MACROD2: variants seen among roughly 807,000 people sequenced by gnomAD.
MACROD2 encodes the protein ADP-ribose glycohydrolase MACROD2.
Under a neutral mutation model 70.4 loss-of-function variants are expected in MACROD2, and 36 were observed. That is an observed-to-expected ratio of 0.51 (90% CI 0.39 to 0.68). The LOEUF is 0.68. Among genes scored for constraint, MACROD2 ranks in the 30% least tolerant of loss-of-function variants. MACROD2 has a pLI of 0.00. For synonymous variants in MACROD2, 172 were observed against 178.8 expected, an observed-to-expected ratio of 0.96 and a Z score of 0.30; for missense variants, 496 against 538.4, an observed-to-expected ratio of 0.92 and a Z score of 0.78.
In MACROD2 at chr20:14,346,054, A is replaced by G. The variant is rs527607496; in HGVS notation, c.272-147425A>G. Reference sequence around the variant, plus strand: ...GCTTGCAGTGAGCCGAGATTGCACCACTGCACTCCAGCCTGGGTGACAGAG... The same window carrying G: ...GCTTGCAGTGAGCCGAGATTGCACCGCTGCACTCCAGCCTGGGTGACAGAG... On this transcript the variant is annotated intron_variant, in intron 3 of 17. Transcript: ENST00000684519. Among the ~76,000 whole-genome samples the G allele has an allele frequency of 2.7e-4, 34 of 124,860 alleles. 1 individual carries two copies. The highest frequency in any genetic ancestry group is 1.0e-3 in the African/African-American group (34 of 33,678). The allele number at this position is 124,860 out of a possible 152,430, so 81.9% of individuals were successfully genotyped here.
At chr20:14,351,195 T>G (rs2083120015) in intron 3 of MACROD2, among the ~76,000 whole-genome samples, 1 of 152,216 alleles carries the variant, frequency 6.6e-6, no homozygotes. Context: ...TTCCTTCAAC[T>G]ACTTTTCTTT....
At chr20:14,930,874 A>AC (rs1568882835) in intron 5 of MACROD2, among the ~76,000 whole-genome samples, 1 of 150,864 alleles carries the variant, frequency 6.6e-6, no homozygotes, top group East Asian at 1.9e-4. Flanking sequence ...AAAAAAAAAA[A>AC]AAAACAAAAG....
intron 3 of MACROD2, among the ~76,000 whole-genome samples, chr20:14,290,846 G>A (rs185262442): frequency 2.7e-4 from 41 of 152,280 alleles, no homozygotes; most frequent in African/African-American, 8.4e-4. Context: ...AGATAATTTC[G>A]TCTGAAGACT....
intron 3 of MACROD2, among the ~76,000 whole-genome samples, chr20:14,190,939 C>T (rs1023739999): frequency 6.6e-6 from 1 of 151,524 alleles, no homozygotes; most frequent in Non-Finnish European, 1.5e-5. Context: ...GATCTCCTGA[C>T]CTCATGATCC....
chr20:15,877,267 T>G (rs2064689305), intron 9 of MACROD2, among the ~76,000 whole-genome samples: 1 of 152,096 alleles, frequency 6.6e-6, no homozygotes, highest in Non-Finnish European at 1.5e-5. Flanking sequence ...CAAAATCTGT[T>G]TCTCCACTCC....
intron 8 of MACROD2, among the ~76,000 whole-genome samples, chr20:15,650,633 T>C (rs1249223921): frequency 2.0e-5 from 3 of 152,274 alleles, no homozygotes; most frequent in Middle Eastern, 3.4e-3. Context: ...TTTTATAAAA[T>C]AAAGGAAAAC....
At chr20:15,488,001 G>T (rs942915928) in intron 7 of MACROD2, among the ~76,000 whole-genome samples, 5 of 152,144 alleles carry the variant, frequency 3.3e-5, no homozygotes, top group African/African-American at 1.2e-4. Flanking sequence ...GACACAAGTG[G>T]TTTACATCCT....
chr20:15,776,836 A>C (rs1032343245), intron 8 of MACROD2, among the ~76,000 whole-genome samples: 1 of 152,188 alleles, frequency 6.6e-6, no homozygotes, highest in African/African-American at 2.4e-5. Flanking sequence ...TATTGATGAC[A>C]CAAGTTGTCC....
chr20:15,561,997 T>C (rs2048251150), intron 8 of MACROD2, among the ~76,000 whole-genome samples: 1 of 152,118 alleles, frequency 6.6e-6, no homozygotes, highest in African/African-American at 2.4e-5. Flanking sequence ...CAGGCCTGAC[T>C]TATTTCTGGA....
intron 6 of MACROD2, among the ~76,000 whole-genome samples, chr20:15,387,961 G>C (rs1298377321): frequency 6.6e-6 from 1 of 151,928 alleles, no homozygotes; most frequent in African/African-American, 2.4e-5. Context: ...ATGTTTCCTA[G>C]GTTGGTCTTG....
At chr20:14,187,343 T>A (rs936511053) in intron 3 of MACROD2, among the ~76,000 whole-genome samples, 4 of 152,146 alleles carry the variant, frequency 2.6e-5, no homozygotes, top group Non-Finnish European at 5.9e-5. Context: ...TTTGACAGTT[T>A]ACAATTGAAG....
chr20:14,271,224 C>T (rs1347436317), intron 3 of MACROD2, among the ~76,000 whole-genome samples: 1 of 152,194 alleles, frequency 6.6e-6, no homozygotes, highest in African/African-American at 2.4e-5. Flanking sequence ...CCCCGAGCAG[C>T]CTAACTGGGA....
At chr20:14,662,662 A>C (rs919978459) in intron 4 of MACROD2, among the ~76,000 whole-genome samples, 1 of 152,116 alleles carries the variant, frequency 6.6e-6, no homozygotes, top group African/African-American at 2.4e-5. Context: ...ACCCCATTAC[A>C]AATTAGGCAA....
intron 12 of MACROD2, among the ~76,000 whole-genome samples, chr20:15,940,601 AC>A (rs2065737779): frequency 6.6e-6 from 1 of 152,314 alleles, no homozygotes; most frequent in African/African-American, 2.4e-5. Context: ...GTGGCTATCA[AC>A]ATTGAGGCAA....
chr20:15,718,018 CT>C (rs11087142), intron 8 of MACROD2, among the ~76,000 whole-genome samples: 26,223 of 140,162 alleles, frequency 0.19, 2,163 homozygotes, highest in East Asian at 0.31. Context: ...TGTTTTCTCT[CT>C]TTTTTTTTTT....
intron 5 of MACROD2, among the ~76,000 whole-genome samples, chr20:15,021,920 A>G (rs769727546): frequency 1.8e-4 from 27 of 152,112 alleles, no homozygotes; most frequent in Admixed American, 6.6e-5. Context: ...AATACAGGAA[A>G]CTGAGAAAGA....
chr20:14,269,836 T>G (rs2082175807), intron 3 of MACROD2, among the ~76,000 whole-genome samples: 2 of 151,416 alleles, frequency 1.3e-5, no homozygotes, highest in Admixed American at 6.6e-5. Flanking sequence ...TTTTAAAGAG[T>G]GTTTTTGGAT....
intron 8 of MACROD2, among the ~76,000 whole-genome samples, chr20:15,591,877 T>C (rs2048685368): frequency 6.6e-6 from 1 of 152,190 alleles, no homozygotes; most frequent in African/African-American, 2.4e-5. Flanking sequence ...TAACATGAAT[T>C]GTAAATCTGG....
At chr20:15,979,001 G>C (rs1195336536) in intron 13 of MACROD2, among the ~76,000 whole-genome samples, 3 of 152,132 alleles carry the variant, frequency 2.0e-5, no homozygotes, top group Non-Finnish European at 4.4e-5. Context: ...GATTAAAATT[G>C]AGCTCAGGAG....
Sources: gnomAD v4.1 joint callset for allele counts (sites outside exome capture counted in the v4.1 genomes callset) on GRCh38, gnomAD v4.1.1 for gene constraint, MANE v1.5 for transcripts, NCBI Gene and HGNC (gene_info 2026-07-23, HGNC 2026-07-21) for gene names.